The following PTN variants were observed in gnomAD, a reference collection of about 807,000 sequenced individuals.
PTN encodes the protein pleiotrophin, also known as heparin affin regulatory protein.
A neutral mutation model predicts 24.1 loss-of-function variants in PTN; 18 were observed. The observed-to-expected ratio is 0.75, with a 90% CI of 0.52 to 1.11. PTN has a LOEUF of 1.11. Among genes scored for constraint, PTN ranks in the 50% least tolerant of loss-of-function variants. The pLI is 0.00. For synonymous variants in PTN, 78 were observed against 68.6 expected (o/e 1.14, Z -0.67); for missense variants, 163 against 198.8 (o/e 0.82, Z 1.08).
At chr7:137,258,439 A>G (rs1299710682) in intron 1 of PTN, among the ~76,000 whole-genome samples, 1 of 152,172 alleles carries the variant, frequency 6.6e-6, no homozygotes, top group Non-Finnish European at 1.5e-5. Context: ...TACGTGTTCA[A>G]CAACAGCTTT....
intron 4 of PTN, among the ~76,000 whole-genome samples, chr7:137,245,219 T>C (rs1256203383): frequency 6.6e-6 from 1 of 152,176 alleles, no homozygotes; most frequent in Admixed American, 6.5e-5. Flanking sequence ...ATCCTGATCA[T>C]ATGTTTGATT....
intron 1 of PTN, among the ~76,000 whole-genome samples, chr7:137,271,127 C>A (rs775822081): frequency 2.0e-5 from 3 of 152,204 alleles, no homozygotes; most frequent in Non-Finnish European, 4.4e-5. Flanking sequence ...AACAATTTCT[C>A]ACTCTTATTG....
Position 137,279,123 on chromosome 7 carries a change from C to G in PTN, c.-1-24149G>C, listed in dbSNP as rs541709361. On this transcript the variant is annotated intron_variant, in intron 1 of 4. Coordinates refer to ENST00000348225, the MANE Select transcript of PTN (RefSeq NM_002825.7). ...AAAACATATTACAAGAAATTATATACCAATATCCTAATAAACAAAAACATT... is the reference window on the plus strand; with the variant it reads ...AAAACATATTACAAGAAATTATATAGCAATATCCTAATAAACAAAAACATT... Among the ~76,000 whole-genome samples, 186 of 151,672 alleles carry G rather than the reference C, an allele frequency of 1.2e-3. 2 individuals are homozygous for G. Among genetic ancestry groups the G allele is most frequent in the Middle Eastern group, 6.8e-3 (2 of 294 alleles).
chr7:137,315,267 G>T (rs535225975), intron 1 of PTN, among the ~76,000 whole-genome samples: 1 of 152,050 alleles, frequency 6.6e-6, no homozygotes. Flanking sequence ...GATGGCTGCT[G>T]TCCTTGACCA....
At chr7:137,276,485 G>C (rs1434010503) in intron 1 of PTN, among the ~76,000 whole-genome samples, 2 of 152,190 alleles carry the variant, frequency 1.3e-5, no homozygotes, top group Admixed American at 1.3e-4. Context: ...TATAAAACCA[G>C]GGTGAAATGG....
chr7:137,260,202 T>C (rs1230012188), intron 1 of PTN, among the ~76,000 whole-genome samples: 2 of 152,184 alleles, frequency 1.3e-5, no homozygotes, highest in South Asian at 4.1e-4. Flanking sequence ...TTGTGATGCT[T>C]CTGCATTATT....
chr7:137,275,976 A>T (rs1204316235), intron 1 of PTN, among the ~76,000 whole-genome samples: 2 of 152,236 alleles, frequency 1.3e-5, no homozygotes, highest in Non-Finnish European at 2.9e-5. Flanking sequence ...AATTAACAAA[A>T]CAGCATGCAG....
intron 1 of PTN, among the ~76,000 whole-genome samples, chr7:137,323,942 T>A (rs569572230): frequency 3.3e-5 from 5 of 152,162 alleles, no homozygotes; most frequent in African/African-American, 1.2e-4. Flanking sequence ...AGGAAAATCA[T>A]AGACACTGAA....
chr7:137,233,388 T>C (rs1386769398), intron 4 of PTN, among the ~76,000 whole-genome samples: 5 of 151,984 alleles, frequency 3.3e-5, no homozygotes, highest in African/African-American at 9.7e-5. Flanking sequence ...GTTAGTATCA[T>C]GTGAGATTAT....
intron 4 of PTN, among the ~76,000 whole-genome samples, chr7:137,237,430 C>T (rs769729796): frequency 1.3e-5 from 2 of 152,170 alleles, no homozygotes; most frequent in African/African-American, 2.4e-5. Context: ...CTAATGCATC[C>T]GCGAATTCGA....
chr7:137,301,826 A>C (rs79549873), intron 1 of PTN, among the ~76,000 whole-genome samples: 1 of 152,110 alleles, frequency 6.6e-6, no homozygotes, highest in South Asian at 2.1e-4. Context: ...AAAAATTTTT[A>C]AAAGTATCTT....
chr7:137,259,342 A>C (rs1808992267), intron 1 of PTN, among the ~76,000 whole-genome samples: 1 of 151,996 alleles, frequency 6.6e-6, no homozygotes, highest in Non-Finnish European at 1.5e-5. Flanking sequence ...TATTTGGGGG[A>C]TTAATACAGG....
At chr7:137,300,437 G>A (rs1490000707) in intron 1 of PTN, among the ~76,000 whole-genome samples, 1 of 151,926 alleles carries the variant, frequency 6.6e-6, no homozygotes, top group Non-Finnish European at 1.5e-5. Context: ...TGCCCTCAAA[G>A]ATCACAGCCT....
At chr7:137,324,167 A>G (rs1157220819) in intron 1 of PTN, among the ~76,000 whole-genome samples, 3 of 152,126 alleles carry the variant, frequency 2.0e-5, no homozygotes, top group Middle Eastern at 6.8e-3. Flanking sequence ...TGCCAAATAC[A>G]TTACACACAC....
intron 1 of PTN, among the ~76,000 whole-genome samples, chr7:137,303,324 G>A (rs1220127462): frequency 6.6e-6 from 1 of 151,764 alleles, no homozygotes; most frequent in Non-Finnish European, 1.5e-5. Context: ...TTTTATTGTA[G>A]ACTCAGGTTG....
intron 1 of PTN, among the ~76,000 whole-genome samples, chr7:137,298,206 T>A (rs1273037222): frequency 6.6e-6 from 1 of 152,048 alleles, no homozygotes; most frequent in Non-Finnish European, 1.5e-5. Flanking sequence ...TTTGTGTTAA[T>A]CCAAATTTTG....
intron 1 of PTN, among the ~76,000 whole-genome samples, chr7:137,258,946 T>C (rs1426821744): frequency 1.3e-5 from 2 of 152,104 alleles, no homozygotes; most frequent in Non-Finnish European, 2.9e-5. Context: ...AATAAAGCCT[T>C]ACTAAATTGA....
At chr7:137,259,439 T>C (rs1585016782) in intron 1 of PTN, among the ~76,000 whole-genome samples, 2 of 152,084 alleles carry the variant, frequency 1.3e-5, no homozygotes, top group East Asian at 1.9e-4. Context: ...TCACAACAGA[T>C]TGAACTGTTT....
At chr7:137,251,700 A>G (rs983852430) in intron 3 of PTN, among the ~76,000 whole-genome samples, 3 of 149,460 alleles carry the variant, frequency 2.0e-5, no homozygotes, top group Non-Finnish European at 4.4e-5. Flanking sequence ...CTCCTTCCCC[A>G]CCTCCTTAAT....
Sources: allele counts gnomAD v4.1 joint callset (sites outside exome capture counted in the v4.1 genomes callset), GRCh38; gene constraint gnomAD v4.1.1; transcripts MANE v1.5; gene names NCBI Gene and HGNC (gene_info 2026-07-23, HGNC 2026-07-21).